The following OSBPL10 variants were observed in gnomAD, a reference collection of about 807,000 sequenced individuals.
OSBPL10 encodes the protein oxysterol-binding protein-related protein 10.
OSBPL10 carries 49 observed loss-of-function variants against 81.7 expected under a neutral mutation model. The ratio of observed to expected loss-of-function variants is 0.60; its 90% CI spans 0.48 to 0.76. OSBPL10 has a LOEUF of 0.76. OSBPL10 is among the 30% of genes least tolerant of loss of function. The pLI is 0.00. For synonymous variants in OSBPL10, 419 were observed against 383.6 expected (o/e 1.09, Z -1.08); for missense variants, 923 against 987.8 (o/e 0.93, Z 0.88).
chr3:32,074,093 A>G (rs1454402009), intron 1 of OSBPL10, among the ~76,000 whole-genome samples: 4 of 152,062 alleles, frequency 2.6e-5, no homozygotes, highest in Admixed American at 2.6e-4. Flanking sequence ...TTACACAGCC[A>G]TCCCCGCTCT....
At chr3:31,994,523 TG>T (rs1214273813) in intron 2 of OSBPL10, among the ~76,000 whole-genome samples, 144 of 152,122 alleles carry the variant, frequency 9.5e-4, no homozygotes, top group African/African-American at 3.4e-3. Flanking sequence ...GATGGATGGA[TG>T]GATGGATGGA....
At chr3:32,054,806 C>T (rs984096019) in intron 1 of OSBPL10, among the ~76,000 whole-genome samples, 1 of 152,160 alleles carries the variant, frequency 6.6e-6, no homozygotes, top group African/African-American at 2.4e-5. Context: ...TCTGGGATTA[C>T]AGGCATGAGC....
intron 7 of OSBPL10, among the ~76,000 whole-genome samples, chr3:31,696,185 G>A (rs1378701747): frequency 1.3e-5 from 2 of 152,092 alleles, no homozygotes; most frequent in Non-Finnish European, 2.9e-5. Flanking sequence ...GATGCATTAT[G>A]CTATCTCTGG....
intron 2 of OSBPL10, among the ~76,000 whole-genome samples, chr3:32,041,896 G>C (rs1699579783): frequency 6.6e-6 from 1 of 152,102 alleles, no homozygotes; most frequent in Admixed American, 6.5e-5. Context: ...CTGACCTCAG[G>C]TGATCTGCCT....
chr3:31,981,773 C>A (rs752396022), upstream of OSBPL10: 1 of 152,306 alleles, frequency 6.6e-6, no homozygotes, highest in Non-Finnish European at 1.5e-5. This position sits in a 1 kb window ranked among gnomAD's most constrained non-coding sequence, Gnocchi z 4.5. Flanking sequence ...CTCGGTCTTC[C>A]GCACACGATG....
chr3:31,981,017 G>C lies in OSBPL10; in HGVS notation c.163C>G (p.Arg55Gly). 5 of 1,474,224 alleles carry C rather than the reference G, an allele frequency of 3.4e-6. No homozygotes were observed. In the South Asian group the frequency reaches 5.3e-5, roughly 16 times the overall value. The allele number at this position is 1,474,224 out of a possible 1,614,324, so 91.3% of individuals were successfully genotyped here. The change falls in exon 1 of 12, where the codon CGC becomes GGC. Residue 55 changes from arginine (R) to glycine (G), a missense_variant. By Grantham distance (125) the Arg-to-Gly change is moderately radical. This residue lies in a region of OSBPL10 where 514 missense variants were observed against 508.0 expected (regional missense o/e 1.01). Coordinates refer to ENST00000396556, the MANE Select transcript of OSBPL10 (RefSeq NM_017784.5). The surrounding 1 kb of genome is among the most constrained non-coding windows in gnomAD (Gnocchi z 4.5). ...AAAGLGGGGS[R>G]SSPGSVAASP... ...GCGGCCACAGAGCCCGGGCTGCTGC[G>C]GCTTCCCCCGCCGCCGAGCCCGGCC...
intron 4 of OSBPL10, among the ~76,000 whole-genome samples, chr3:31,748,715 ACC>A (rs1435717489): frequency 6.6e-6 from 1 of 152,066 alleles, no homozygotes; most frequent in Non-Finnish European, 1.5e-5. Flanking sequence ...GAAGAGAAAA[ACC>A]AGAAATTCTA....
chr3:31,726,831 T>TTTATGA (rs749773635), intron 6 of OSBPL10, among the ~76,000 whole-genome samples: 2 of 149,524 alleles, frequency 1.3e-5, no homozygotes, highest in African/African-American at 5.0e-5. Context: ...TGTGCAAAAA[T>TTTATGA]TTATTATTAT....
intron 1 of OSBPL10, among the ~76,000 whole-genome samples, chr3:32,049,169 T>A (rs1699650112): frequency 6.6e-6 from 1 of 152,220 alleles, no homozygotes; most frequent in African/African-American, 2.4e-5. Flanking sequence ...CCCATGCCAC[T>A]GCTCTGCCTA....
intron 2 of OSBPL10, among the ~76,000 whole-genome samples, chr3:32,018,320 G>A (rs554264214): frequency 5.9e-5 from 9 of 152,162 alleles, no homozygotes; most frequent in Non-Finnish European, 1.3e-4. Flanking sequence ...TAGACGAGAT[G>A]TGGGAACAAA....
At chr3:31,783,772 C>A (rs1698765364) in intron 4 of OSBPL10, among the ~76,000 whole-genome samples, 1 of 94,200 alleles carries the variant, frequency 1.1e-5, no homozygotes, top group African/African-American at 4.2e-5. Context: ...GACTGGGTGA[C>A]AGAGCAAGAC....
rs538190251 is a variant in OSBPL10 at position 31,915,556 on chromosome 3, T to C, written c.282-35726A>G. ...CTCACTTATATGTGTAAGCTAAACA[T>C]TGGGTACTAATGGACATAATGGTGG... On this transcript the variant is annotated intron_variant, in intron 1 of 11. Transcript: ENST00000396556. 3.3e-5 allele frequency among the ~76,000 whole-genome samples: 5 copies of C among 152,078 alleles called. No individual in the cohort carries two copies. In the South Asian group the frequency reaches 6.2e-4, roughly 19 times the overall value.
At chr3:31,677,684 G>A (rs987460362) in intron 8 of OSBPL10, among the ~76,000 whole-genome samples, 5 of 152,160 alleles carry the variant, frequency 3.3e-5, no homozygotes, top group African/African-American at 1.2e-4. Context: ...TGAATCAAGG[G>A]CTCCAGCCTC....
At chr3:31,769,459 C>A (rs56030626) in intron 4 of OSBPL10, among the ~76,000 whole-genome samples, 16,252 of 34,110 alleles carry the variant, frequency 0.48, 4,881 homozygotes, top group East Asian at 0.72. Context: ...AAAAAAAAAA[C>A]AAAAAAAAAA....
intron 9 of OSBPL10, among the ~76,000 whole-genome samples, chr3:31,670,546 G>A (rs1308462263): frequency 1.3e-5 from 2 of 152,184 alleles, no homozygotes; most frequent in Non-Finnish European, 2.9e-5. Context: ...CCAACAAACA[G>A]AAGTGCTTTT....
At chr3:31,695,956 C>T (rs1667750964) in intron 7 of OSBPL10, among the ~76,000 whole-genome samples, 2 of 152,200 alleles carry the variant, frequency 1.3e-5, no homozygotes, top group South Asian at 4.1e-4. Context: ...CGTCAGTATG[C>T]ATACATACAG....
intron 6 of OSBPL10, among the ~76,000 whole-genome samples, chr3:31,725,685 C>G (rs17028135): frequency 0.098 from 14,902 of 152,172 alleles, 1,807 homozygotes; most frequent in African/African-American, 0.29. Context: ...ATGAATCTTT[C>G]ATCACAGCAG....
intron 4 of OSBPL10, among the ~76,000 whole-genome samples, chr3:31,822,473 A>G (rs1316323447): frequency 6.6e-6 from 1 of 152,212 alleles, no homozygotes; most frequent in African/African-American, 2.4e-5. Context: ...TATTCAGTAT[A>G]AACATGTATT....
chr3:31,862,286 G>A (rs1559496195), intron 3 of OSBPL10, among the ~76,000 whole-genome samples: 1 of 152,108 alleles, frequency 6.6e-6, no homozygotes, highest in African/African-American at 2.4e-5. Flanking sequence ...CCCAGCCTGA[G>A]ACCAAAGGAC....
Sources: allele counts gnomAD v4.1 joint callset (sites outside exome capture counted in the v4.1 genomes callset), GRCh38; gene constraint gnomAD v4.1.1; regional missense constraint gnomAD v4.1.1; non-coding constraint Gnocchi (gnomAD v3.1); transcripts MANE v1.5; gene names NCBI Gene and HGNC (gene_info 2026-07-23, HGNC 2026-07-21).